SLC6A3: variants seen among roughly 807,000 people sequenced by gnomAD.
SLC6A3 encodes the protein sodium-dependent dopamine transporter.
In SLC6A3, 19 loss-of-function variants were observed where a neutral mutation model predicts 70.4. The ratio of observed to expected loss-of-function variants is 0.27; its 90% CI spans 0.19 to 0.40. SLC6A3 has a LOEUF of 0.40. Ranked by LOEUF, SLC6A3 falls within the 10% of genes least tolerant of loss-of-function variation. The probability of loss-of-function intolerance (pLI) is 1.00; values close to 1 mark genes in which losing one functional copy is unlikely to be tolerated. For synonymous variants in SLC6A3, 368 were observed against 356.6 expected, an observed-to-expected ratio of 1.03 and a Z score of -0.36; for missense variants, 613 against 838.5, an observed-to-expected ratio of 0.73 and a Z score of 3.32.
rs773952299 is a variant in SLC6A3, at chr5:1,436,980, G to A, written c.419-4282C>T. 1.3e-5 allele frequency among the ~76,000 whole-genome samples: 2 copies of A among 152,316 alleles called. No individual in the cohort carries two copies. The highest frequency in any genetic ancestry group is 2.9e-5 in the Non-Finnish European group (2 of 68,020). ...AGAAAGACGGGAGAGGGCCGGGCACGGTGGCTCACTCCTGTAATCCCAGCA... is the reference window on the plus strand; with the variant it reads ...AGAAAGACGGGAGAGGGCCGGGCACAGTGGCTCACTCCTGTAATCCCAGCA... On this transcript the variant is annotated intron_variant, in intron 3 of 14. Transcript: ENST00000270349. This position sits in a 1 kb window ranked among gnomAD's most constrained non-coding sequence, Gnocchi z 5.2.
chr5:1,410,514 G>A (rs753261734), intron 9 of SLC6A3, among the ~76,000 whole-genome samples: 15 of 152,128 alleles, frequency 9.9e-5, no homozygotes, highest in Admixed American at 3.3e-4. Flanking sequence ...AGGGAAGAAG[G>A]AGCCTGAGAA....
rs1305053754 is a variant in SLC6A3, at chr5:1,438,759, C to T, written c.418+2600G>A. Among the ~76,000 whole-genome samples, 1 of 152,194 alleles carries T rather than the reference C, an allele frequency of 6.6e-6. No individual in the cohort carries two copies. Among genetic ancestry groups the T allele is most frequent in the African/African-American group, 2.4e-5 (1 of 41,454 alleles). On this transcript the variant is annotated intron_variant, in intron 3 of 14. Transcript: ENST00000270349. This position sits in a 1 kb window ranked among gnomAD's most constrained non-coding sequence, Gnocchi z 6.5. Reference sequence around the variant, plus strand: ...GGCGGGAGTGGGGCACAGGGCTGTGCCTTGTAAGACACTTGTGACAGACTC... The same window carrying T: ...GGCGGGAGTGGGGCACAGGGCTGTGTCTTGTAAGACACTTGTGACAGACTC...
intron 8 of SLC6A3, 124 bp downstream of exon 8, chr5:1,414,567 A>T: frequency 9.6e-7 from 1 of 1,046,466 alleles, no homozygotes; most frequent in East Asian, 3.0e-5. Flanking sequence ...GTGAGGCAGC[A>T]ACTCTCACTG....
intron 1 of SLC6A3, among the ~76,000 whole-genome samples, chr5:1,444,701 C>T (rs1419854794): frequency 6.6e-6 from 1 of 152,236 alleles, no homozygotes; most frequent in Non-Finnish European, 1.5e-5. Flanking sequence ...TCGCGAGTCT[C>T]CGGCAAGCCG....
Position 1,421,910 on chromosome 5 carries a change from A to G in SLC6A3, c.758T>C (p.Phe253Ser). Reference protein sequence around the residue: ...CLVLVIVLLYFSLWKGVKTSG... With the variant: ...CLVLVIVLLYSSLWKGVKTSG... Reference sequence around the variant, plus strand: ...GGTCTTCACGCCCTTCCAGAGGCTGAAGTAGAGCAGCACGATGACCAGCAC... The same window carrying G: ...GGTCTTCACGCCCTTCCAGAGGCTGGAGTAGAGCAGCACGATGACCAGCAC... Residue 253 changes from phenylalanine to serine, a missense_variant, in exon 5 of 15, where the codon TTC (phenylalanine) becomes TCC (serine). By Grantham distance (155) the Phe-to-Ser change is radical. Around this residue, in one of 4 missense-constraint regions of SLC6A3, gnomAD observed 153 missense variants for 249.4 expected, o/e 0.61. Transcript: ENST00000270349. This position sits in a 1 kb window ranked among gnomAD's most constrained non-coding sequence, Gnocchi z 7.2. 6.2e-7 allele frequency: 1 copy of G among 1,613,226 alleles called. No individual in the cohort carries two copies.
At position 1,441,549 on chromosome 5, in the gene SLC6A3, G is replaced by A; in HGVS notation, c.287-59C>T. 2.5e-6 allele frequency: 4 copies of A among 1,589,936 alleles called. No individual in the cohort carries two copies. In the South Asian group the frequency reaches 4.5e-5, roughly 18 times the overall value. ...CTCGGAAGGGCCCATCTCTCCTCGT[G>A]GGAGCTTGGGCGGCTACCCCAGTCA... On this transcript the variant is annotated intron_variant, in intron 2 of 14. Transcript: ENST00000270349.
chr5:1,412,435 G>A (rs1050686775), intron 8 of SLC6A3, among the ~76,000 whole-genome samples: 6 of 152,334 alleles, frequency 3.9e-5, no homozygotes, highest in South Asian at 4.1e-4. Context: ...CGAGGGGCAC[G>A]CCAGGCTGAG....
intron 3 of SLC6A3, among the ~76,000 whole-genome samples, chr5:1,441,015 G>GGATA (rs1410055924): frequency 6.6e-6 from 1 of 152,230 alleles, no homozygotes; most frequent in African/African-American, 2.4e-5. Context: ...GATAGATAAT[G>GGATA]GATAGATAGA....
chr5:1,421,588 G>A lies in SLC6A3; in HGVS notation c.792+288C>T, dbSNP rs879756114. Among the ~76,000 whole-genome samples, 3 of 151,970 alleles carry A rather than the reference G, an allele frequency of 2.0e-5. No individual in the cohort carries two copies. Among genetic ancestry groups the A allele is most frequent in the Admixed American group, 6.6e-5 (1 of 15,250 alleles). On this transcript the variant is annotated intron_variant, in intron 5 of 14. Transcript: ENST00000270349. The surrounding 1 kb of genome is among the most constrained non-coding windows in gnomAD (Gnocchi z 7.2). ...CCGTGTGTCCGCCCAGCCCAGCCAC[G>A]GCCACGTGTCCCCCCACCCACCCAT...
intron 4 of SLC6A3, among the ~76,000 whole-genome samples, chr5:1,425,031 G>A (rs1207651420): frequency 2.0e-5 from 3 of 152,244 alleles, no homozygotes; most frequent in Admixed American, 2.0e-4. Context: ...ATAAGTGCAG[G>A]CCTACGTGCA....
At position 1,421,972 on chromosome 5, in the gene SLC6A3, G is replaced by A; in HGVS notation, c.696C>T (p.Asp232=). 1 of 1,613,020 alleles carries A rather than the reference G, an allele frequency of 6.2e-7. No homozygotes were observed. ...TGAGCTGCCACCGCGGAGGCCCCAG[G>A]TCGTCGATGCCATGGCTCTGGTGGA... The part of the protein sequence containing the change: ...LHLHQSHGID[D]LGPPRWQLTA... The change falls in exon 5 of 15, where the codon GAC becomes GAT. Residue 232 remains aspartate (D), a synonymous_variant. Transcript: ENST00000270349. This position sits in a 1 kb window ranked among gnomAD's most constrained non-coding sequence, Gnocchi z 7.2.
chr5:1,438,243 A>C lies in SLC6A3; in HGVS notation c.418+3116T>G, dbSNP rs1375206745. ...TGAGTGTGAACAAGCTCTTCCAAAG[A>C]TCCGCCCGCAGGGCCACGAGCCTTC... On this transcript the variant is annotated intron_variant, in intron 3 of 14. Coordinates refer to ENST00000270349, the MANE Select transcript of SLC6A3 (RefSeq NM_001044.5). This position sits in a 1 kb window ranked among gnomAD's most constrained non-coding sequence, Gnocchi z 6.5. Among the ~76,000 whole-genome samples the C allele has an allele frequency of 1.3e-5, 2 of 152,224 alleles. No homozygotes were observed. The highest frequency in any genetic ancestry group is 1.3e-4 in the Admixed American group (2 of 15,286).
rs1466174828 is a variant in SLC6A3 at position 1,397,219 on chromosome 5, G to A, written c.1840-2461C>T. On this transcript the variant is annotated intron_variant, in intron 14 of 14. Coordinates refer to ENST00000270349, the MANE Select transcript of SLC6A3 (RefSeq NM_001044.5). This position sits in a 1 kb window ranked among gnomAD's most constrained non-coding sequence, Gnocchi z 4.7. ...TGTGTGGCTGCAAAATTCACAGAAT[G>A]ACAAGATTTGTGAATCCACAGATCT... Among the ~76,000 whole-genome samples, 4 of 152,216 alleles carry A rather than the reference G, an allele frequency of 2.6e-5. No individual in the cohort carries two copies. The highest frequency in any genetic ancestry group is 9.6e-5 in the African/African-American group (4 of 41,462).
At chr5:1,423,408 G>A (rs557624989) in intron 4 of SLC6A3, among the ~76,000 whole-genome samples, 2 of 152,266 alleles carry the variant, frequency 1.3e-5, no homozygotes, top group East Asian at 3.9e-4. Context: ...CCCTCTCCAG[G>A]GATGAGGCCG....
intron 9 of SLC6A3, among the ~76,000 whole-genome samples, chr5:1,410,505 G>C (rs1756090550): frequency 6.6e-6 from 1 of 151,966 alleles, no homozygotes; most frequent in South Asian, 2.1e-4. Flanking sequence ...GCAGCTGACA[G>C]GGAAGAAGGA....
At chr5:1,410,573 C>A (rs1756092948) in intron 9 of SLC6A3, among the ~76,000 whole-genome samples, 1 of 152,304 alleles carries the variant, frequency 6.6e-6, no homozygotes, top group South Asian at 2.1e-4. Context: ...CCACCCCCAG[C>A]AGCTGGAGGT....
rs183653561 is a variant in SLC6A3 at position 1,413,013 on chromosome 5, C to T, written c.1157-1658G>A. On this transcript the variant is annotated intron_variant, in intron 8 of 14. Transcript: ENST00000270349. This position sits in a 1 kb window ranked among gnomAD's most constrained non-coding sequence, Gnocchi z 7.1. ...CAGCTCAGGGAATGTAATGTCAACA[C>T]CCGTGCCTTCGTTTCTGTACCTAAG... Among the ~76,000 whole-genome samples the T allele has an allele frequency of 6.6e-6, 1 of 152,346 alleles. No individual in the cohort carries two copies. The highest frequency in any genetic ancestry group is 6.5e-5 in the Admixed American group (1 of 15,308).
Position 1,409,116 on chromosome 5 carries a change from A to T in SLC6A3, c.1408T>A (p.Tyr470Asn), listed in dbSNP as rs1043339684. The change falls in exon 11 of 15, where the codon TAC (tyrosine) becomes AAC (asparagine). Residue 470 changes from tyrosine (Y) to asparagine (N), a missense_variant. Physicochemically the swap from Tyr to Asn is moderately radical, Grantham distance 143. This residue lies in a region of SLC6A3 where 348 missense variants were observed against 481.2 expected (regional missense o/e 0.72). Coordinates refer to ENST00000270349, the MANE Select transcript of SLC6A3 (RefSeq NM_001044.5). ...SLFCVTNGGI[Y>N]VFTLLDHFAA... is the part of the protein sequence containing the mutation. Reference sequence around the variant, plus strand: ...AAATGGTCCAGGAGCGTGAAGACGTAGATGCCACCCTGGAAGAGAGGGGAG... The same window carrying T: ...AAATGGTCCAGGAGCGTGAAGACGTTGATGCCACCCTGGAAGAGAGGGGAG... 5.6e-6 allele frequency: 9 copies of T among 1,609,958 alleles called. No individual in the cohort carries two copies. Among genetic ancestry groups the T allele is most frequent in the Non-Finnish European group, 2.5e-6 (3 of 1,178,276 alleles).
At chr5:1,395,711 G>C (rs1364075029) in intron 14 of SLC6A3, among the ~76,000 whole-genome samples, 1 of 152,202 alleles carries the variant, frequency 6.6e-6, no homozygotes, top group Non-Finnish European at 1.5e-5. Flanking sequence ...CCAGCGGCCA[G>C]AGCCCTAGAG....
Sources: gnomAD v4.1 joint callset for allele counts (sites outside exome capture counted in the v4.1 genomes callset) on GRCh38, gnomAD v4.1.1 for gene constraint, gnomAD v4.1.1 regional missense constraint, Gnocchi (gnomAD v3.1) non-coding constraint, MANE v1.5 for transcripts, NCBI Gene and HGNC (gene_info 2026-07-23, HGNC 2026-07-21) for gene names.